Variants in PAK1 observed in about 807,000 individuals in gnomAD.
PAK1 encodes serine/threonine-protein kinase PAK 1.
PAK1 carries 29 observed loss-of-function variants against 67.4 expected under a neutral mutation model. That is an observed-to-expected ratio of 0.43 (90% CI 0.32 to 0.59). The LOEUF is 0.59. Ranked by LOEUF, PAK1 falls within the 20% of genes least tolerant of loss-of-function variation. The pLI, the probability that PAK1 is intolerant of heterozygous loss-of-function variation, is 0.07. For missense variants in PAK1, 337 were observed against 670.7 expected, an observed-to-expected ratio of 0.50 and a Z score of 5.50; for synonymous variants, 223 against 237.4, an observed-to-expected ratio of 0.94 and a Z score of 0.56.
At chr11:77,490,611 A>G in the PAK1 span, among the ~76,000 whole-genome samples, 1 of 151,196 alleles carries the variant, frequency 6.6e-6, no homozygotes, top group Non-Finnish European at 1.5e-5. Context: ...CCCGGCCGCC[A>G]CCCCGTCTGG....
intron 1 of PAK1, among the ~76,000 whole-genome samples, chr11:77,409,720 A>ATG (rs975915966): frequency 8.5e-5 from 13 of 152,080 alleles, no homozygotes; most frequent in African/African-American, 3.1e-4. Context: ...TCTCACTCAT[A>ATG]TGTAGGAGGT....
the PAK1 span, among the ~76,000 whole-genome samples, chr11:77,509,667 T>C: frequency 6.6e-6 from 1 of 152,182 alleles, no homozygotes; most frequent in Non-Finnish European, 1.5e-5. Context: ...GGATCCCTTA[T>C]GGTTTGGCGC....
intron 1 of PAK1, among the ~76,000 whole-genome samples, chr11:77,405,562 A>G (rs1953365604): frequency 6.6e-6 from 1 of 152,100 alleles, no homozygotes; most frequent in African/African-American, 2.4e-5. Flanking sequence ...TGATTAAAAA[A>G]AAAAAGAAAA....
chr11:77,425,261 C>T (rs1020582725), intron 1 of PAK1, among the ~76,000 whole-genome samples: 8 of 149,456 alleles, frequency 5.4e-5, no homozygotes, highest in Non-Finnish European at 1.2e-4. Flanking sequence ...ACTTCAGACA[C>T]AGGCTTTTGC....
the PAK1 span, among the ~76,000 whole-genome samples, chr11:77,514,056 A>G: frequency 1.3e-5 from 2 of 152,214 alleles, no homozygotes; most frequent in East Asian, 3.9e-4. Flanking sequence ...CAGCCAGTGA[A>G]TGGTAGAGCC....
At chr11:77,441,534 T>C (rs1956355336) in intron 1 of PAK1, among the ~76,000 whole-genome samples, 1 of 152,230 alleles carries the variant, frequency 6.6e-6, no homozygotes, top group African/African-American at 2.4e-5. Context: ...ATAAGTTCTA[T>C]TTCCTCAGCC....
intron 4 of PAK1, 110 bp downstream of exon 4, chr11:77,379,131 C>T (rs1271565785): frequency 3.2e-6 from 3 of 923,290 alleles, no homozygotes; most frequent in African/African-American, 1.7e-5. Context: ...GTGCCACTTC[C>T]ACTCTTTCCA....
intron 1 of PAK1, among the ~76,000 whole-genome samples, chr11:77,454,561 C>T (rs947821637): frequency 1.1e-4 from 17 of 152,058 alleles, no homozygotes; most frequent in African/African-American, 3.9e-4. Flanking sequence ...CAAACAGTTT[C>T]TAAGGCAGTT....
the PAK1 span, among the ~76,000 whole-genome samples, chr11:77,490,062 G>A: frequency 2.7e-5 from 4 of 149,416 alleles, no homozygotes; most frequent in South Asian, 2.1e-4. Context: ...CTGCCCGGCC[G>A]CCCATCGTCT....
intron 1 of PAK1, among the ~76,000 whole-genome samples, chr11:77,438,725 G>A (rs1353739786): frequency 2.0e-5 from 3 of 152,108 alleles, no homozygotes; most frequent in East Asian, 1.9e-4. Flanking sequence ...CAGTCCTAAC[G>A]TCAGTTCTGT....
At chr11:77,483,594 T>C in the PAK1 span, among the ~76,000 whole-genome samples, 1 of 152,206 alleles carries the variant, frequency 6.6e-6, no homozygotes. Context: ...TGTGGGGTAT[T>C]GGAAATGTTC....
intron 1 of PAK1, among the ~76,000 whole-genome samples, chr11:77,441,017 T>A (rs999598789): frequency 5.3e-5 from 8 of 152,090 alleles, no homozygotes; most frequent in Admixed American, 1.3e-4. Context: ...AGAAGACCAG[T>A]CCTTCTCACC....
intron 1 of PAK1, among the ~76,000 whole-genome samples, chr11:77,401,409 T>G (rs1460032196): frequency 2.0e-5 from 3 of 152,236 alleles, no homozygotes; most frequent in Middle Eastern, 3.4e-3. Context: ...GAAAGCTACT[T>G]TACTTTCTGA....
chr11:77,358,611 A>G (rs1690720085), intron 6 of PAK1, among the ~76,000 whole-genome samples: 2 of 152,144 alleles, frequency 1.3e-5, no homozygotes, highest in African/African-American at 4.8e-5. Context: ...CATCAATCCT[A>G]TATATCTTCC....
chr11:77,492,124 A>G, the PAK1 span, among the ~76,000 whole-genome samples: 8 of 152,202 alleles, frequency 5.3e-5, no homozygotes, highest in African/African-American at 1.9e-4. Flanking sequence ...TCAGTCTTAT[A>G]CTGGGTTCTG....
At chr11:77,459,384 A>T (rs929359025) in intron 1 of PAK1, among the ~76,000 whole-genome samples, 1 of 152,220 alleles carries the variant, frequency 6.6e-6, no homozygotes, top group African/African-American at 2.4e-5. Context: ...AGCAGAAAGG[A>T]TAGAGAAATA....
the PAK1 span, among the ~76,000 whole-genome samples, chr11:77,495,079 T>C: frequency 6.6e-6 from 1 of 151,928 alleles, no homozygotes; most frequent in Non-Finnish European, 1.5e-5. Context: ...GGAGAATCAC[T>C]TGAACCTGGG....
In PAK1 at chr11:77,433,908, T is replaced by G. The variant is rs571474953; in HGVS notation, c.-22+39644A>C. On this transcript the variant is annotated intron_variant, in intron 1 of 14. Coordinates refer to ENST00000356341, the MANE Select transcript of PAK1 (RefSeq NM_002576.5). ...AAAAGATACTCAAAATCATTAGTCT[T>G]TAAGGAAATTCAAATCAAAACCATA... Among the ~76,000 whole-genome samples, 4 of 152,284 alleles carry G rather than the reference T, an allele frequency of 2.6e-5. No individual in the cohort carries two copies. The South Asian group carries it at 8.3e-4, about 32-fold the overall frequency.
At chr11:77,440,087 T>C (rs1379290894) in intron 1 of PAK1, among the ~76,000 whole-genome samples, 3 of 152,238 alleles carry the variant, frequency 2.0e-5, no homozygotes, top group African/African-American at 7.2e-5. Context: ...TGCTTCACTC[T>C]GAGCCAAGTG....
Sources: allele counts gnomAD v4.1 joint callset (sites outside exome capture counted in the v4.1 genomes callset), GRCh38; gene constraint gnomAD v4.1.1; transcripts MANE v1.5; gene names NCBI Gene and HGNC (gene_info 2026-07-23, HGNC 2026-07-21).